The following PKHD1 variants were observed in gnomAD, a reference collection of about 807,000 sequenced individuals.
The protein encoded by PKHD1 is fibrocystin.
In PKHD1, 291 loss-of-function variants were observed where a neutral mutation model predicts 412.0. The ratio of observed to expected loss-of-function variants is 0.71; its 90% CI spans 0.64 to 0.78. The LOEUF is 0.78. PKHD1 is among the 30% of genes least tolerant of loss of function. The pLI, the probability that PKHD1 is intolerant of heterozygous loss-of-function variation, is 0.00. For synonymous variants in PKHD1, 1,777 were observed against 1,821.5 expected (o/e 0.98, Z 0.62); for missense variants, 4,825 against 4,950.7 (o/e 0.97, Z 0.76).
intron 33 of PKHD1, among the ~76,000 whole-genome samples, chr6:52,019,733 G>C (rs1801130609): frequency 1.3e-5 from 2 of 152,074 alleles, no homozygotes; most frequent in Admixed American, 1.3e-4. Context: ...TATAATTCAA[G>C]GTATAAATGC....
At chr6:51,672,292 C>G (rs1384528705) in intron 60 of PKHD1, among the ~76,000 whole-genome samples, 1 of 152,188 alleles carries the variant, frequency 6.6e-6, no homozygotes, top group Non-Finnish European at 1.5e-5. Flanking sequence ...AACTCAGTTT[C>G]CCCTTAGCTA....
At chr6:51,993,309 T>A (rs1313874728) in intron 35 of PKHD1, among the ~76,000 whole-genome samples, 2 of 152,254 alleles carry the variant, frequency 1.3e-5, no homozygotes, top group Non-Finnish European at 2.9e-5. Flanking sequence ...CTGCCTTCTA[T>A]AATCAGCATC....
intron 60 of PKHD1, among the ~76,000 whole-genome samples, chr6:51,680,579 A>G (rs558141664): frequency 1.3e-5 from 2 of 152,042 alleles, no homozygotes; most frequent in Non-Finnish European, 2.9e-5. Context: ...AAATGCATTC[A>G]CTGAAGTATT....
intron 52 of PKHD1, among the ~76,000 whole-genome samples, chr6:51,808,977 G>A (rs1764263547): frequency 6.6e-6 from 1 of 151,894 alleles, no homozygotes; most frequent in Admixed American, 6.6e-5. Context: ...ATGGATTTAT[G>A]GGAAGGCAAA....
chr6:51,998,803 A>G (rs1184453569), intron 35 of PKHD1, among the ~76,000 whole-genome samples: 1 of 151,912 alleles, frequency 6.6e-6, no homozygotes, highest in Non-Finnish European at 1.5e-5. Context: ...AGCTGAAATG[A>G]TCCATTGGTG....
intron 60 of PKHD1, among the ~76,000 whole-genome samples, chr6:51,671,896 T>G (rs1046345908): frequency 1.3e-5 from 2 of 152,162 alleles, no homozygotes; most frequent in African/African-American, 2.4e-5. Flanking sequence ...GAGGAGGTAG[T>G]CTGCCCGTTC....
chr6:51,813,485 T>A (rs1381959231), intron 52 of PKHD1, among the ~76,000 whole-genome samples: 1 of 152,284 alleles, frequency 6.6e-6, no homozygotes, highest in Non-Finnish European at 1.5e-5. Context: ...GGCCTTATAT[T>A]TATATAACTT....
At chr6:51,810,925 A>G (rs1202334134) in intron 52 of PKHD1, among the ~76,000 whole-genome samples, 1 of 152,172 alleles carries the variant, frequency 6.6e-6, no homozygotes, top group East Asian at 1.9e-4. Flanking sequence ...TTTTCCTGAT[A>G]TTCTAGAACT....
intron 35 of PKHD1, among the ~76,000 whole-genome samples, chr6:52,004,078 T>C (rs1798762590): frequency 6.6e-6 from 1 of 152,170 alleles, no homozygotes; most frequent in Non-Finnish European, 1.5e-5. Context: ...TTTATTTAGA[T>C]TTATTTTATT....
chr6:52,007,804 C>T (rs1799281077), intron 35 of PKHD1, among the ~76,000 whole-genome samples: 1 of 152,210 alleles, frequency 6.6e-6, no homozygotes. Flanking sequence ...TTTCTGGACT[C>T]CAGGCCACTG....
At chr6:52,018,551 C>A (rs185372907) in intron 33 of PKHD1, among the ~76,000 whole-genome samples, 1 of 152,212 alleles carries the variant, frequency 6.6e-6, no homozygotes, top group Admixed American at 6.5e-5. Flanking sequence ...GACAGAGTTT[C>A]GCTGTGTTGC....
chr6:52,052,959 C>T, intron 21 of PKHD1, 117 bp downstream of exon 21: 4 of 891,656 alleles, frequency 4.5e-6, no homozygotes, highest in Non-Finnish European at 7.3e-6. Flanking sequence ...AGAGCCAAGG[C>T]AGGCAAAAAG....
chr6:51,998,705 A>G (rs1797998818), intron 35 of PKHD1, among the ~76,000 whole-genome samples: 2 of 151,772 alleles, frequency 1.3e-5, no homozygotes, highest in African/African-American at 4.8e-5. Context: ...TTTAATGTAT[A>G]TACCCTTCAG....
chr6:51,903,904 AT>A, intron 42 of PKHD1, 81 bp downstream of exon 42: 1 of 877,164 alleles, frequency 1.1e-6, no homozygotes, highest in South Asian at 1.5e-5. Flanking sequence ...GAGACCTAAC[AT>A]TTTGCCATCA....
At chr6:51,859,926 G>T (rs1583073290) in intron 48 of PKHD1, among the ~76,000 whole-genome samples, 1 of 152,154 alleles carries the variant, frequency 6.6e-6, no homozygotes, top group South Asian at 2.1e-4. Context: ...CCAATAATCT[G>T]ATGCAAACTC....
chr6:51,670,266 T>A (rs1384476353), intron 60 of PKHD1, among the ~76,000 whole-genome samples: 7 of 152,182 alleles, frequency 4.6e-5, no homozygotes, highest in African/African-American at 1.7e-4. Flanking sequence ...GATAGTTAGC[T>A]CTTCTTGTTG....
intron 55 of PKHD1, among the ~76,000 whole-genome samples, chr6:51,760,588 TATTTC>T (rs1333904767): frequency 1.3e-5 from 2 of 152,094 alleles, no homozygotes; most frequent in East Asian, 1.9e-4. Context: ...CTGATACTCT[TATTTC>T]ATTTATTAGG....
At chr6:51,859,615 G>A (rs1367323418) in intron 48 of PKHD1, among the ~76,000 whole-genome samples, 1 of 151,598 alleles carries the variant, frequency 6.6e-6, no homozygotes, top group African/African-American at 2.4e-5. Context: ...CCAGCAATGT[G>A]GTCCCAAGAA....
At position 51,887,240 on chromosome 6, in the gene PKHD1, G is replaced by A; in HGVS notation, c.7002C>T (p.Asn2334=). 1 of 1,597,668 alleles carries A rather than the reference G, an allele frequency of 6.3e-7. No homozygotes were observed. The stretch of plus-strand genomic sequence containing the variant: ...AGCCATAGCCAGCACCACACACTCT[G>A]TTCCCCTACAGAAATTAAGAAGAGT... The part of the protein sequence containing the change: ...ICSPTNVIEG[N]RVCGAGYGYF... The change falls in exon 44 of 67, where the codon AAC becomes AAT. Residue 2334 remains asparagine (N), a synonymous_variant. Coordinates refer to ENST00000371117, the MANE Select transcript of PKHD1 (RefSeq NM_138694.4).
Sources: gnomAD v4.1 joint callset for allele counts (sites outside exome capture counted in the v4.1 genomes callset) on GRCh38, gnomAD v4.1.1 for gene constraint, MANE v1.5 for transcripts, NCBI Gene and HGNC (gene_info 2026-07-23, HGNC 2026-07-21) for gene names.